Variants in RPH3AL observed in about 807,000 individuals in gnomAD.
RPH3AL encodes rabphilin 3A like (without C2 domains).
RPH3AL carries 38 observed loss-of-function variants against 43.1 expected under a neutral mutation model. That is an observed-to-expected ratio of 0.88 (90% CI 0.68 to 1.15). The LOEUF (loss-of-function observed/expected upper bound fraction) is 1.15. Among genes scored for constraint, RPH3AL ranks in the 50% most tolerant of loss-of-function variants. The pLI is 0.00. For synonymous variants in RPH3AL, 189 were observed against 176.3 expected, an observed-to-expected ratio of 1.07 and a Z score of -0.57; for missense variants, 462 against 423.2, an observed-to-expected ratio of 1.09 and a Z score of -0.81.
Position 321,348 on chromosome 17 carries a change from G to T in RPH3AL, c.145C>A (p.Pro49Thr). The change falls in exon 4 of 10, where the codon CCG becomes ACG. Residue 49 changes from proline to threonine, a missense_variant. Transcript: ENST00000331302. ...EKQRRKQHLS[P>T]AEVEAILQVI... Reference sequence around the variant, plus strand: ...TGCAGGATGGCCTCCACCTCCGCCGGGCTGAGGTGCTGCTTCCTCCTCTGC... The same window carrying T: ...TGCAGGATGGCCTCCACCTCCGCCGTGCTGAGGTGCTGCTTCCTCCTCTGC... The T allele has an allele frequency of 6.2e-7, 1 of 1,611,640 alleles. No individual in the cohort carries two copies. Among genetic ancestry groups the T allele is most frequent in the Admixed American group, 1.7e-5 (1 of 60,016 alleles).
chr17:347,968 C>T (rs980684706), intron 1 of RPH3AL, among the ~76,000 whole-genome samples: 5 of 151,058 alleles, frequency 3.3e-5, no homozygotes, highest in African/African-American at 1.2e-4. Context: ...GAGTTCAAGG[C>T]CAGCCTGAGC....
chr17:314,471 C>A (rs2043792473), intron 5 of RPH3AL, among the ~76,000 whole-genome samples: 1 of 143,992 alleles, frequency 6.9e-6, no homozygotes, highest in South Asian at 2.2e-4. Context: ...CTCTATGCCC[C>A]CACCTCCATT....
At chr17:310,387 C>T (rs891749860) in intron 5 of RPH3AL, among the ~76,000 whole-genome samples, 4 of 152,242 alleles carry the variant, frequency 2.6e-5, no homozygotes, top group Non-Finnish European at 4.4e-5. Context: ...CTGCTGGGGG[C>T]GCGTGTGTGT....
At chr17:296,065 C>A (rs1336929990) in intron 5 of RPH3AL, among the ~76,000 whole-genome samples, 2 of 118,696 alleles carry the variant, frequency 1.7e-5, no homozygotes, top group Admixed American at 9.2e-5. Context: ...CAGAAATGGA[C>A]GGGCAGAGGG....
chr17:275,242 C>A (rs9915790), intron 6 of RPH3AL, among the ~76,000 whole-genome samples: 6,421 of 24,826 alleles, frequency 0.26, 463 homozygotes, highest in African/African-American at 0.39. Flanking sequence ...GCAAAAAAAA[C>A]AAAAAACAAA....
chr17:235,447 A>G (rs1236338185), intron 7 of RPH3AL, among the ~76,000 whole-genome samples: 846 of 73,826 alleles, frequency 0.011, 14 homozygotes, highest in Middle Eastern at 0.023. Context: ...AACAAGAGGG[A>G]TGCAGGGTTC....
At chr17:273,040 C>CGACGTCAGGGAGAGACCCCAGCGAGGGT (rs2042539468) in intron 6 of RPH3AL, among the ~76,000 whole-genome samples, 6 of 56,902 alleles carry the variant, frequency 1.1e-4, no homozygotes, top group South Asian at 6.1e-4. Context: ...CCAGCGAGGG[C>CGACGTCAGGGAGAGACCCCAGCGAGGGT]GACGTCAGGG....
At chr17:335,042 C>A (rs568713074) in intron 1 of RPH3AL, among the ~76,000 whole-genome samples, 4 of 152,206 alleles carry the variant, frequency 2.6e-5, no homozygotes, top group African/African-American at 9.7e-5. Flanking sequence ...GGGTGTGGCA[C>A]GAACGAGCGC....
intron 7 of RPH3AL, among the ~76,000 whole-genome samples, chr17:244,210 A>ACCTTCCTCTATTTATTAC (rs2041684499): frequency 7.9e-6 from 1 of 126,610 alleles, no homozygotes; most frequent in Non-Finnish European, 1.7e-5. Context: ...TCTATTGATC[A>ACCTTCCTCTATTTATTAC]CCTTCCTCTA....
At chr17:258,304 A>C (rs1201937875) in intron 6 of RPH3AL, among the ~76,000 whole-genome samples, 13 of 152,222 alleles carry the variant, frequency 8.5e-5, no homozygotes, top group African/African-American at 3.1e-4. Context: ...GTAGGTGTTC[A>C]GTAAACGCTG....
intron 5 of RPH3AL, among the ~76,000 whole-genome samples, chr17:299,047 G>A (rs2043253962): frequency 6.6e-6 from 1 of 151,638 alleles, no homozygotes; most frequent in Admixed American, 6.6e-5. Flanking sequence ...TGGCAGTAGG[G>A]AGCCACTGAA....
chr17:337,093 G>A (rs529376981), intron 1 of RPH3AL, among the ~76,000 whole-genome samples: 8 of 151,534 alleles, frequency 5.3e-5, no homozygotes, highest in African/African-American at 1.7e-4. Flanking sequence ...CCACTCACTG[G>A]AACTACGTAC....
rs2040730133 is a variant in RPH3AL, at chr17:213,935, A to C, written c.877-12T>G. The C allele has an allele frequency of 6.2e-7, 1 of 1,608,562 alleles. No homozygotes were observed. Among genetic ancestry groups the C allele is most frequent in the Non-Finnish European group, 8.5e-7 (1 of 1,176,486 alleles). ...GGTGTGTCTTTTACCTTTGGATGAG[A>C]GAAAAGGCCACCACATGGTGAGCAG... On this transcript the variant is annotated splice_polypyrimidine_tract_variant and intron_variant, in intron 9 of 9. Coordinates refer to ENST00000331302, the MANE Select transcript of RPH3AL (RefSeq NM_006987.4).
intron 7 of RPH3AL, among the ~76,000 whole-genome samples, chr17:222,224 A>T (rs1005647721): frequency 6.6e-6 from 1 of 152,274 alleles, no homozygotes; most frequent in African/African-American, 2.4e-5. Flanking sequence ...GTGAGGTAGG[A>T]AACAGCATTA....
In RPH3AL at chr17:342,467, A is replaced by T. The variant is rs114945159; in HGVS notation, c.-212-8533T>A. On this transcript the variant is annotated intron_variant, in intron 1 of 9. Transcript: ENST00000331302. ...GGGGAAACAACTCAAATGTCCATCAACTGGGAAAAGGACAAACAAAATATG... is the reference window on the plus strand; with the variant it reads ...GGGGAAACAACTCAAATGTCCATCATCTGGGAAAAGGACAAACAAAATATG... Among the ~76,000 whole-genome samples the T allele has an allele frequency of 1.4e-3, 219 of 152,380 alleles. 1 individual carries two copies. Among genetic ancestry groups the T allele is most frequent in the African/African-American group, 5.2e-3 (215 of 41,592 alleles).
rs775864312 is a variant in RPH3AL at position 319,412 on chromosome 17, G to T, written c.351+8C>A. On this transcript the variant is annotated splice_region_variant and intron_variant, in intron 5 of 9. Coordinates refer to ENST00000331302, the MANE Select transcript of RPH3AL (RefSeq NM_006987.4). ...AGCCAGAATGACAGGGCCAGAGCAG[G>T]GTCTTACCTTCCTGCAGTCTTTGCA... 1 of 1,610,848 alleles carries T rather than the reference G, an allele frequency of 6.2e-7. No individual in the cohort carries two copies. The highest frequency in any genetic ancestry group is 1.1e-5 in the South Asian group (1 of 90,636).
intron 5 of RPH3AL, among the ~76,000 whole-genome samples, chr17:318,377 G>A (rs376837809): frequency 2.4e-4 from 37 of 152,244 alleles, no homozygotes; most frequent in South Asian, 1.2e-3. Flanking sequence ...GCAAGACTCC[G>A]TCTCTGGGGG....
At chr17:348,093 TA>T (rs71145709) in intron 1 of RPH3AL, among the ~76,000 whole-genome samples, 57,376 of 141,980 alleles carry the variant, frequency 0.4, 11,998 homozygotes, top group East Asian at 0.61. Flanking sequence ...AAGGAGCAGT[TA>T]AAAAAAAAAA....
chr17:306,159 C>A (rs1259723191), intron 5 of RPH3AL, among the ~76,000 whole-genome samples: 1 of 151,994 alleles, frequency 6.6e-6, no homozygotes, highest in Non-Finnish European at 1.5e-5. Context: ...CTGCGCCCGA[C>A]TTCCCCAGCC....
Sources: allele counts gnomAD v4.1 joint callset (sites outside exome capture counted in the v4.1 genomes callset), GRCh38; gene constraint gnomAD v4.1.1; transcripts MANE v1.5; gene names NCBI Gene and HGNC (gene_info 2026-07-23, HGNC 2026-07-21).